Variants in DNAH1 observed in about 807,000 individuals in gnomAD.
The protein encoded by DNAH1 is dynein axonemal heavy chain 1.
Under a neutral mutation model 484.3 loss-of-function variants are expected in DNAH1, and 327 were observed. That is an observed-to-expected ratio of 0.68 (90% confidence interval 0.62 to 0.74). DNAH1 has a LOEUF of 0.74. Among genes scored for constraint, DNAH1 ranks in the 30% least tolerant of loss-of-function variants. DNAH1 has a pLI of 0.00. For synonymous variants in DNAH1, 2,192 were observed against 2,191.9 expected, an observed-to-expected ratio of 1.00 and a Z score of 0.00; for missense variants, 5,052 against 5,546.8, an observed-to-expected ratio of 0.91 and a Z score of 2.83.
At position 52,368,736 on chromosome 3, in the gene DNAH1, T is replaced by C. The variant is rs776218175; in HGVS notation, c.5766-5T>C. The C allele has an allele frequency of 5.4e-5, 87 of 1,612,062 alleles. No individual in the cohort carries two copies. Among genetic ancestry groups the C allele is most frequent in the Non-Finnish European group, 7.3e-5 (86 of 1,178,936 alleles). ...TTTCCAGCCCTCTCCTCCCTGGCGC[T>C]GCAGGACAGACGGGATATTCTCCTC... On this transcript the variant is annotated splice_region_variant and splice_polypyrimidine_tract_variant and intron_variant, in intron 36 of 77. Coordinates refer to ENST00000420323, the MANE Select transcript of DNAH1 (RefSeq NM_015512.5). This position sits in a 1 kb window ranked among gnomAD's most constrained non-coding sequence, Gnocchi z 4.4.
At chr3:52,327,032 G>C in intron 5 of DNAH1, 141 bp downstream of exon 5, 1 of 1,193,878 alleles carries the variant, frequency 8.4e-7, no homozygotes, top group Non-Finnish European at 1.1e-6. Flanking sequence ...TCAACAATAG[G>C]AACCCATCCC....
chr3:52,359,961 C>G lies in DNAH1; in HGVS notation c.4453C>G (p.Gln1485Glu), dbSNP rs200763734. The G allele has an allele frequency of 2.5e-5, 40 of 1,613,794 alleles. No homozygotes were observed. The highest frequency in any genetic ancestry group is 1.7e-5 in the Admixed American group (1 of 60,010). The change falls in exon 27 of 78, where the codon CAG becomes GAG. Residue 1485 changes from glutamine to glutamate, a missense_variant. Physicochemically the swap from Gln to Glu is conservative, Grantham distance 29. Coordinates refer to ENST00000420323, the MANE Select transcript of DNAH1 (RefSeq NM_015512.5). ...ALVRGKLSRMQRAVLSALIVI... is the reference protein window; with the variant it reads ...ALVRGKLSRMERAVLSALIVI... The stretch of plus-strand genomic sequence containing the variant: ...TGTGCGGGGGAAGCTGTCCCGCATG[C>G]AGCGGGCAGTGCTGTCAGCGCTAAT...
rs777624522 is a variant in DNAH1, at chr3:52,332,123, C to T, written c.1034-19C>T. The T allele has an allele frequency of 2.6e-6, 4 of 1,545,140 alleles. No homozygotes were observed. Among genetic ancestry groups the T allele is most frequent in the Non-Finnish European group, 3.5e-6 (4 of 1,141,234 alleles). On this transcript the variant is annotated intron_variant, in intron 7 of 77. Transcript: ENST00000420323. ...AAGCCTGATTGTGTGTCCCCTTCTC[C>T]CTCTCACCCGGCCCCCAGGAAGGCC...
intron 3 of DNAH1, among the ~76,000 whole-genome samples, chr3:52,325,609 C>T (rs142511970): frequency 9.8e-4 from 150 of 152,316 alleles, no homozygotes; most frequent in Non-Finnish European, 2.0e-3. Context: ...CTCTGTATAC[C>T]CTGCTCATCT....
At chr3:52,352,285 G>A (rs1702417588) in intron 17 of DNAH1, among the ~76,000 whole-genome samples, 182 bp downstream of exon 17, 1 of 152,200 alleles carries the variant, frequency 6.6e-6, no homozygotes, top group African/African-American at 2.4e-5. Flanking sequence ...AGATGCCTGG[G>A]CAGCAAGCTC....
Position 52,394,626 on chromosome 3 carries a change from A to T in DNAH1, c.10788A>T (p.Glu3596Asp). ...FSSDFVKHLS[E>D]FRVIFDSLEP... ...CCGACTTCGTGAAGCACCTCTCAGA[A>T]TTCCGGGTCATCTTCGACAGCCTTG... is the stretch of plus-strand genomic sequence containing the variant. Residue 3596 changes from glutamate to aspartate, a missense_variant, in exon 67 of 78, where the codon GAA becomes GAT. Transcript: ENST00000420323. The T allele has an allele frequency of 5.0e-6, 8 of 1,590,618 alleles. No individual in the cohort carries two copies. Among genetic ancestry groups the T allele is most frequent in the Non-Finnish European group, 6.9e-6 (8 of 1,165,782 alleles).
chr3:52,358,887 A>C lies in DNAH1; in HGVS notation c.4266+150A>C. The stretch of plus-strand genomic sequence containing the variant: ...GGATTCTGGAGTCTTTCCTTTCCAC[A>C]CACACTCCAGAAAGTGGGACTCACT... On this transcript the variant is annotated intron_variant, in intron 25 of 77. Coordinates refer to ENST00000420323, the MANE Select transcript of DNAH1 (RefSeq NM_015512.5). This position sits in a 1 kb window ranked among gnomAD's most constrained non-coding sequence, Gnocchi z 4.2. 1.1e-6 allele frequency: 1 copy of C among 933,574 alleles called. No individual in the cohort carries two copies. The highest frequency in any genetic ancestry group is 1.6e-6 in the Non-Finnish European group (1 of 631,996). 57.8% of individuals were successfully genotyped at this position (933,574 alleles called of 1,614,324 possible). A position where few individuals can be genotyped will look rare whatever the true frequency, so the allele number is the denominator to read the frequency against.
rs764911487 is a variant in DNAH1 at position 52,380,098 on chromosome 3, A to T, written c.7571A>T (p.Asp2524Val). 4 of 1,604,234 alleles carry T rather than the reference A, an allele frequency of 2.5e-6. No individual in the cohort carries two copies. The South Asian group carries it at 4.5e-5, about 18-fold the overall frequency. The change falls in exon 48 of 78, where the codon GAT (aspartate) becomes GTT (valine). Residue 2524 changes from aspartate to valine, a missense_variant. This residue lies in a region of DNAH1 where 2,929 missense variants were observed against 3,409.4 expected (regional missense o/e 0.86). Transcript: ENST00000420323. ...GGGGACTTCATGTCACCAGGCTCCG[A>T]TGTCAAGTCCTACGAGCTCATCACC... ...LYGDFMSPGS[D>V]VKSYELITSE... is the part of the protein sequence containing the mutation.
chr3:52,373,573 T>G, intron 44 of DNAH1: 1 of 1,483,158 alleles, frequency 6.7e-7, no homozygotes, highest in Admixed American at 1.7e-5. Context: ...CAGCCCATAG[T>G]GAAGAAAGAC....
At position 52,395,352 on chromosome 3, in the gene DNAH1, A is replaced by G. The variant is rs1403324689; in HGVS notation, c.11013A>G (p.Thr3671=). The change falls in exon 69 of 78, where the codon ACA becomes ACG. Residue 3671 remains threonine (T), a synonymous_variant. Coordinates refer to ENST00000420323, the MANE Select transcript of DNAH1 (RefSeq NM_015512.5). This position sits in a 1 kb window ranked among gnomAD's most constrained non-coding sequence, Gnocchi z 4.4. ...SVVFKDSNST[T]PLIFVLSPGT... is the part of the protein sequence containing the mutation. ...TGTTCAAAGACTCCAACTCCACCACACCCCTCATCTTTGTGCTGTCACCCG... is the reference window on the plus strand; with the variant it reads ...TGTTCAAAGACTCCAACTCCACCACGCCCCTCATCTTTGTGCTGTCACCCG... The G allele has an allele frequency of 6.2e-7, 1 of 1,613,698 alleles. No individual in the cohort carries two copies. Among genetic ancestry groups the G allele is most frequent in the Admixed American group, 1.7e-5 (1 of 59,980 alleles).
chr3:52,319,316 T>C (rs1256191320), intron 1 of DNAH1, among the ~76,000 whole-genome samples: 2 of 152,164 alleles, frequency 1.3e-5, no homozygotes, highest in African/African-American at 4.8e-5. Flanking sequence ...GGCTCCCAGG[T>C]GATCTGAGTG....
At chr3:52,389,833 C>G (rs970357960) in intron 60 of DNAH1, among the ~76,000 whole-genome samples, 1 of 152,206 alleles carries the variant, frequency 6.6e-6, no homozygotes, top group East Asian at 1.9e-4. Context: ...TGTGATGGAC[C>G]AGGCGTGGTG....
chr3:52,376,464 G>A (rs558665161), intron 46 of DNAH1, among the ~76,000 whole-genome samples: 6 of 152,238 alleles, frequency 3.9e-5, no homozygotes, highest in Admixed American at 1.3e-4. Context: ...AGAGGCTGTC[G>A]AGAAACAGCT....
chr3:52,339,169 T>G (rs2153223491), intron 8 of DNAH1, among the ~76,000 whole-genome samples: 1 of 152,304 alleles, frequency 6.6e-6, no homozygotes, highest in East Asian at 1.9e-4. Flanking sequence ...TGCTGCTGCT[T>G]TGCGTATCTT....
At chr3:52,354,223 G>C (rs1011201201) in intron 20 of DNAH1, among the ~76,000 whole-genome samples, 1 of 152,008 alleles carries the variant, frequency 6.6e-6, no homozygotes, top group Non-Finnish European at 1.5e-5. Flanking sequence ...GGCTCAGAAG[G>C]GTTCAGCAAC....
At position 52,395,114 on chromosome 3, in the gene DNAH1, T is replaced by A; in HGVS notation, c.10968+55T>A. On this transcript the variant is annotated intron_variant, in intron 68 of 77. Coordinates refer to ENST00000420323, the MANE Select transcript of DNAH1 (RefSeq NM_015512.5). This position sits in a 1 kb window ranked among gnomAD's most constrained non-coding sequence, Gnocchi z 4.4. Reference sequence around the variant, plus strand: ...ACCTTGAGCTTGTCCCCACCCTGGGTCCCAGGGCCCTGGCTGCATCTGGAT... The same window carrying A: ...ACCTTGAGCTTGTCCCCACCCTGGGACCCAGGGCCCTGGCTGCATCTGGAT... The A allele has an allele frequency of 6.4e-7, 1 of 1,566,210 alleles. No individual in the cohort carries two copies. The highest frequency in any genetic ancestry group is 8.7e-7 in the Non-Finnish European group (1 of 1,154,198).
Position 52,364,806 on chromosome 3 carries a change from T to C in DNAH1, c.5332-27T>C, listed in dbSNP as rs1694371452. 6.2e-7 allele frequency: 1 copy of C among 1,610,166 alleles called. No homozygotes were observed. Among genetic ancestry groups the C allele is most frequent in the Non-Finnish European group, 8.5e-7 (1 of 1,177,188 alleles). On this transcript the variant is annotated intron_variant, in intron 33 of 77. Transcript: ENST00000420323. The surrounding 1 kb of genome is among the most constrained non-coding windows in gnomAD (Gnocchi z 4.2). The stretch of plus-strand genomic sequence containing the variant: ...CTGGAGGGCAGCTGGCCCACTGCCC[T>C]GAAGGCTCAGCCGGCACCTGCTGCA...
chr3:52,317,680 C>T (rs947173704), intron 1 of DNAH1, among the ~76,000 whole-genome samples: 6 of 152,246 alleles, frequency 3.9e-5, no homozygotes, highest in Non-Finnish European at 5.9e-5. Flanking sequence ...CTGGTCGGCC[C>T]TAATCCTGCC....
chr3:52,373,234 C>G (rs1313207865), intron 44 of DNAH1, among the ~76,000 whole-genome samples, 181 bp downstream of exon 44: 1 of 145,318 alleles, frequency 6.9e-6, no homozygotes, highest in Admixed American at 6.7e-5. Flanking sequence ...GCCGCCGCCA[C>G]GGCTGCCGCA....
Sources: gnomAD v4.1 joint callset for allele counts (sites outside exome capture counted in the v4.1 genomes callset) on GRCh38, gnomAD v4.1.1 for gene constraint, gnomAD v4.1.1 regional missense constraint, Gnocchi (gnomAD v3.1) non-coding constraint, MANE v1.5 for transcripts, NCBI Gene and HGNC (gene_info 2026-07-23, HGNC 2026-07-21) for gene names.